The following MAP4K4 variants were observed in gnomAD, a reference collection of about 807,000 sequenced individuals.
MAP4K4 encodes the protein mitogen-activated protein kinase kinase kinase kinase 4, also known as HPK/GCK-like kinase HGK.
A neutral mutation model predicts 189.6 loss-of-function variants in MAP4K4; 38 were observed. The observed-to-expected ratio is 0.20, with a 90% CI of 0.15 to 0.26. The LOEUF is 0.26. Among genes scored for constraint, MAP4K4 ranks in the 10% least tolerant of loss-of-function variants. The pLI is 1.00. For synonymous variants in MAP4K4, 610 were observed against 624.3 expected (o/e 0.98, Z 0.34); for missense variants, 1,054 against 1,726.9 (o/e 0.61, Z 6.91).
chr2:101,793,622 G>T (rs981985519), intron 3 of MAP4K4, among the ~76,000 whole-genome samples: 3 of 150,152 alleles, frequency 2.0e-5, no homozygotes, highest in Non-Finnish European at 4.4e-5. Flanking sequence ...GAGCAAAAAG[G>T]TGCAAATACT....
At chr2:101,840,981 T>C (rs2096900468) in intron 10 of MAP4K4, among the ~76,000 whole-genome samples, 2 of 152,242 alleles carry the variant, frequency 1.3e-5, no homozygotes, top group African/African-American at 4.8e-5. Flanking sequence ...AGACTTTTTT[T>C]CCTTAACTCA....
At chr2:101,873,562 A>G (rs1559289873) in intron 24 of MAP4K4, 85 bp from the exon 25 acceptor site, 4 of 739,454 alleles carry the variant, frequency 5.4e-6, no homozygotes, top group Non-Finnish European at 9.3e-6. Flanking sequence ...AAATAGTGCA[A>G]TATAGAAGTG....
At chr2:101,824,714 T>C (rs924426401) in intron 4 of MAP4K4, among the ~76,000 whole-genome samples, 1 of 152,230 alleles carries the variant, frequency 6.6e-6, no homozygotes, top group Non-Finnish European at 1.5e-5. Flanking sequence ...GCAAAAAATT[T>C]ACTGTTACTA....
intron 7 of MAP4K4, among the ~76,000 whole-genome samples, chr2:101,832,097 T>C (rs1397521711): frequency 1.3e-5 from 2 of 152,264 alleles, no homozygotes; most frequent in Non-Finnish European, 2.9e-5. Context: ...TGGAGCACTT[T>C]GTTGTGCCTA....
At chr2:101,727,186 C>T (rs1223579805) in intron 2 of MAP4K4, among the ~76,000 whole-genome samples, 1 of 152,136 alleles carries the variant, frequency 6.6e-6, no homozygotes, top group Non-Finnish European at 1.5e-5. Flanking sequence ...AGCCATTACA[C>T]CCTCTCATAG....
At chr2:101,794,132 T>G (rs73943780) in intron 3 of MAP4K4, among the ~76,000 whole-genome samples, 2,502 of 152,274 alleles carry the variant, frequency 0.016, 80 homozygotes, top group African/African-American at 0.057. Context: ...AGGAACAGAT[T>G]AAGGATGTGC....
At chr2:101,832,504 A>C (rs1367785628) in intron 7 of MAP4K4, among the ~76,000 whole-genome samples, 1 of 152,232 alleles carries the variant, frequency 6.6e-6, no homozygotes, top group African/African-American at 2.4e-5. Flanking sequence ...ATTTATTACA[A>C]ATATCCAATT....
exon 33 of MAP4K4, chr2:101,892,678 T>G: frequency 3.0e-6 from 1 of 337,458 alleles, no homozygotes; most frequent in Non-Finnish European, 5.9e-6. Flanking sequence ...CTTCTGTGTT[T>G]TAGGTGTAAT....
At chr2:101,736,883 T>G (rs7569049) in intron 2 of MAP4K4, among the ~76,000 whole-genome samples, 42,849 of 152,092 alleles carry the variant, frequency 0.28, 6,803 homozygotes, top group South Asian at 0.49. Context: ...TTAAAGCAGT[T>G]AAAGCCCTGG....
intron 2 of MAP4K4, among the ~76,000 whole-genome samples, chr2:101,748,387 G>C (rs950200182): frequency 6.6e-6 from 1 of 152,186 alleles, no homozygotes; most frequent in Non-Finnish European, 1.5e-5. Flanking sequence ...AGCTTCTACT[G>C]TTCTGCTTTG....
chr2:101,889,980 A>G (rs1057024825), intron 32 of MAP4K4, among the ~76,000 whole-genome samples: 2 of 152,136 alleles, frequency 1.3e-5, no homozygotes, highest in African/African-American at 2.4e-5. Flanking sequence ...GAAAATCTCT[A>G]CAGCTCAGAC....
chr2:101,779,024 C>T (rs1423755622), intron 2 of MAP4K4, among the ~76,000 whole-genome samples: 1 of 152,082 alleles, frequency 6.6e-6, no homozygotes, highest in African/African-American at 2.4e-5. Context: ...TTCATTGTAA[C>T]TTGGTTGCAA....
intron 2 of MAP4K4, among the ~76,000 whole-genome samples, chr2:101,727,997 G>A (rs927403003): frequency 2.0e-5 from 3 of 152,174 alleles, no homozygotes; most frequent in African/African-American, 4.8e-5. Flanking sequence ...CAAATAAGGA[G>A]CACACTAAGG....
At chr2:101,756,783 T>C (rs1013233815) in intron 2 of MAP4K4, among the ~76,000 whole-genome samples, 4 of 149,494 alleles carry the variant, frequency 2.7e-5, no homozygotes, top group African/African-American at 9.9e-5. Flanking sequence ...TCCAGGGTGG[T>C]CATGAACTCC....
At position 101,797,889 on chromosome 2, in the gene MAP4K4, G is replaced by GTTTTTTTTTTT. The variant is rs58201235; in HGVS notation, c.180+7124_180+7134dup. Among the ~76,000 whole-genome samples the GTTTTTTTTTTT allele has an allele frequency of 2.8e-3, 147 of 52,296 alleles. 12 individuals are homozygous for GTTTTTTTTTTT. The highest frequency in any genetic ancestry group is 3.6e-3 in the Non-Finnish European group (109 of 29,918). 34.3% of individuals were successfully genotyped at this position (52,296 alleles called of 152,430 possible). A position where few individuals can be genotyped will look rare whatever the true frequency, so the allele number is the denominator to read the frequency against. On this transcript the variant is annotated intron_variant, in intron 3 of 32. Transcript: ENST00000324219. ...TGAAGCTTTTTAAAACATTCTTTTA[G>GTTTTTTTTTTT]TTTTTTTTTTTTTTTTTTTTTGGAG...
intron 2 of MAP4K4, among the ~76,000 whole-genome samples, chr2:101,701,033 G>C (rs1246291213): frequency 6.6e-6 from 1 of 151,978 alleles, no homozygotes; most frequent in African/African-American, 2.4e-5. Flanking sequence ...ACATCCTTTA[G>C]GATGAATAGC....
chr2:101,869,150 C>G (rs780251829), intron 21 of MAP4K4, among the ~76,000 whole-genome samples: 1 of 151,666 alleles, frequency 6.6e-6, no homozygotes, highest in African/African-American at 2.4e-5. Context: ...TAAACCTTAG[C>G]GCTTTGAAGT....
intron 2 of MAP4K4, among the ~76,000 whole-genome samples, chr2:101,787,254 G>A (rs2091617644): frequency 6.6e-6 from 1 of 152,208 alleles, no homozygotes; most frequent in African/African-American, 2.4e-5. Context: ...TCTTCAGTGA[G>A]TAGGCTGGAT....
intron 2 of MAP4K4, among the ~76,000 whole-genome samples, chr2:101,715,496 C>T (rs1409995349): frequency 1.3e-5 from 2 of 152,052 alleles, no homozygotes; most frequent in Non-Finnish European, 2.9e-5. Flanking sequence ...GTAGAATATC[C>T]CTTATCTGAA....
Sources: gnomAD v4.1 joint callset for allele counts (sites outside exome capture counted in the v4.1 genomes callset) on GRCh38, gnomAD v4.1.1 for gene constraint, MANE v1.5 for transcripts, NCBI Gene and HGNC (gene_info 2026-07-23, HGNC 2026-07-21) for gene names.